Variants in CCDC47 observed in about 807,000 individuals in gnomAD.
The protein encoded by CCDC47 is coiled-coil domain containing 47.
CCDC47 carries 41 observed loss-of-function variants against 60.5 expected under a neutral mutation model. That is an observed-to-expected ratio of 0.68 (90% CI 0.53 to 0.88). The LOEUF is 0.88. Among genes scored for constraint, CCDC47 ranks in the 40% least tolerant of loss-of-function variants. The probability of loss-of-function intolerance (pLI) is 0.00; values close to 1 mark genes in which losing one functional copy is unlikely to be tolerated. For missense variants in CCDC47, 513 were observed against 580.9 expected, an observed-to-expected ratio of 0.88 and a Z score of 1.20; for synonymous variants, 195 against 190.7, an observed-to-expected ratio of 1.02 and a Z score of -0.18.
chr17:63,747,657 C>T lies in CCDC47; in HGVS notation c.1372-696G>A, dbSNP rs570121227. ...ACACCTGATTAAAAGTTTATTTCAG[C>T]TACAATCTCAAACTTCTTATTTTTA... On this transcript the variant is annotated intron_variant, in intron 12 of 12. Coordinates refer to ENST00000225726, the MANE Select transcript of CCDC47 (RefSeq NM_020198.3). 1.0e-5 allele frequency: 10 copies of T among 985,366 alleles called. No homozygotes were observed. In the East Asian group the frequency reaches 1.1e-3, roughly 112 times the overall value. 61.0% of individuals were successfully genotyped at this position (985,366 alleles called of 1,614,324 possible). A position where few individuals can be genotyped will look rare whatever the true frequency, so the allele number is the denominator to read the frequency against.
At chr17:63,771,018 AAGG>A (rs1568253146) in intron 1 of CCDC47, among the ~76,000 whole-genome samples, 195 of 61,092 alleles carry the variant, frequency 3.2e-3, no homozygotes, top group Non-Finnish European at 6.5e-3. Flanking sequence ...GAAAGAAAGG[AAGG>A]AAGGAAGGAA....
In CCDC47 at chr17:63,764,772, T is replaced by C. The variant is rs1245465616; in HGVS notation, c.340A>G (p.Ser114Gly). 1.9e-6 allele frequency: 3 copies of C among 1,613,362 alleles called. No individual in the cohort carries two copies. The highest frequency in any genetic ancestry group is 1.7e-6 in the Non-Finnish European group (2 of 1,179,940). The change falls in exon 3 of 13, where the codon AGC becomes GGC. Residue 114 changes from serine to glycine, a missense_variant. Coordinates refer to ENST00000225726, the MANE Select transcript of CCDC47 (RefSeq NM_020198.3). ...GYEDKPDTSS[S>G]KNKDPITIVD... ...ATCGTTATTGGGTCTTTATTTTTGC[T>C]AGAAGAAGTATCTGGTTTGTCTTCA...
At chr17:63,763,809 T>G (rs1598310465) in intron 4 of CCDC47, among the ~76,000 whole-genome samples, 2 of 150,300 alleles carry the variant, frequency 1.3e-5, no homozygotes, top group East Asian at 3.9e-4. Context: ...GGTGACAGAG[T>G]GAGACTCCAT....
rs183339791 is a variant in CCDC47 at position 63,759,578 on chromosome 17, A to T, written c.735+1336T>A. Among the ~76,000 whole-genome samples the T allele has an allele frequency of 3.7e-3, 383 of 104,872 alleles. 4 individuals carry two copies. Among genetic ancestry groups the T allele is most frequent in the Non-Finnish European group, 5.4e-3 (270 of 50,116 alleles). The allele number at this position is 104,872 out of a possible 152,430, so 68.8% of individuals were successfully genotyped here. On this transcript the variant is annotated intron_variant, in intron 6 of 12. Coordinates refer to ENST00000225726, the MANE Select transcript of CCDC47 (RefSeq NM_020198.3). The stretch of plus-strand genomic sequence containing the variant: ...ATATATATATATATATATATATATA[A>T]AACAATGATTTTCAATCCAATAACA...
At chr17:63,754,590 A>T (rs2039191260) in intron 8 of CCDC47, 72 bp from the exon 9 acceptor site, 2 of 979,984 alleles carry the variant, frequency 2.0e-6, no homozygotes, top group East Asian at 5.4e-5. Context: ...AAAGATATTC[A>T]CTCTTTGAGA....
intron 9 of CCDC47, chr17:63,753,746 T>G (rs755354278): frequency 2.8e-5 from 9 of 324,784 alleles, no homozygotes; most frequent in Non-Finnish European, 4.0e-5. Flanking sequence ...GGCCATAAAT[T>G]ACAAAACACA....
rs541444551 is a variant in CCDC47 at position 63,745,546 on chromosome 17, G to A, written c.*1335C>T. On this transcript the variant is annotated 3_prime_UTR_variant, in exon 13 of 13. Transcript: ENST00000225726. Reference sequence around the variant, plus strand: ...TGCATCTCTCAGTTTACATATTTCTGTATTAACTTGGAGAAAAACCCATGT... The same window carrying A: ...TGCATCTCTCAGTTTACATATTTCTATATTAACTTGGAGAAAAACCCATGT... 6.6e-6 allele frequency: 1 copy of A among 152,242 alleles called. No individual in the cohort carries two copies. Among genetic ancestry groups the A allele is most frequent in the South Asian group, 2.1e-4 (1 of 4,826 alleles). The allele number at this position is 152,242 out of a possible 1,614,324, so 9.4% of individuals were successfully genotyped here.
intron 12 of CCDC47, among the ~76,000 whole-genome samples, chr17:63,750,938 G>C (rs1390496526): frequency 6.6e-6 from 1 of 150,806 alleles, no homozygotes; most frequent in African/African-American, 2.4e-5. Context: ...GCAGTGGTGT[G>C]ATCATAGCTC....
Position 63,746,884 on chromosome 17 carries a change from C to T in CCDC47, c.1449G>A (p.Met483Ile), listed in dbSNP as rs1269015364. The T allele has an allele frequency of 6.2e-7, 1 of 1,613,070 alleles. No individual in the cohort carries two copies. The highest frequency in any genetic ancestry group is 1.1e-5 in the South Asian group (1 of 90,980). Reference sequence around the variant, plus strand: ...AACTCAAATCTCTGGGATGGCTTTACATGGCTTTCACTTTGATTTGTTTCA... The same window carrying T: ...AACTCAAATCTCTGGGATGGCTTTATATGGCTTTCACTTTGATTTGTTTCA... ...MKMKQIKVKA[M>I] The change falls in exon 13 of 13, where the codon ATG becomes ATA. Residue 483 changes from methionine to isoleucine, a missense_variant. Transcript: ENST00000225726.
At chr17:63,750,915 C>T (rs1158180515) in intron 12 of CCDC47, among the ~76,000 whole-genome samples, 1 of 150,384 alleles carries the variant, frequency 6.6e-6, no homozygotes, top group Non-Finnish European at 1.5e-5. Context: ...TTTTTGGCTG[C>T]CCAGGCTAGA....
intron 6 of CCDC47, 75 bp downstream of exon 6, chr17:63,760,836 CAAA>C (rs374704881): frequency 0.021 from 16,375 of 771,008 alleles, no homozygotes; most frequent in South Asian, 0.031. Context: ...GAGACTCCAT[CAAA>C]AAAAAAAAAA....
chr17:63,760,909 C>T lies in CCDC47; in HGVS notation c.735+5G>A. 6.3e-7 allele frequency: 1 copy of T among 1,592,452 alleles called. No homozygotes were observed. The highest frequency in any genetic ancestry group is 8.6e-7 in the Non-Finnish European group (1 of 1,161,636). On this transcript the variant is annotated splice_donor_5th_base_variant and intron_variant, in intron 6 of 12. Transcript: ENST00000225726. ...ACACAGAAAACCAGCGGGAAGAATA[C>T]ATACCACTTGATCACTCACTGGCCT...
chr17:63,770,641 A>G (rs558270483), intron 1 of CCDC47, among the ~76,000 whole-genome samples: 4 of 152,280 alleles, frequency 2.6e-5, no homozygotes, highest in East Asian at 1.9e-4. Context: ...TCAGTTTAAT[A>G]TCGAAGGTTA....
chr17:63,752,081 A>G lies in CCDC47; in HGVS notation c.1230T>C (p.Arg410=). ...REGKQKADKN[R]ARVEENFLKL... is the part of the protein sequence containing the mutation. The stretch of plus-strand genomic sequence containing the variant: ...TCAAGAAGTTCTCTTCTACTCGGGC[A>G]CGGTTCTTATCTGCTTTTTGTTTGC... The change falls in exon 12 of 13, where the codon CGT becomes CGC. Residue 410 remains arginine (R), a synonymous_variant. Coordinates refer to ENST00000225726, the MANE Select transcript of CCDC47 (RefSeq NM_020198.3). 2 of 1,613,688 alleles carry G rather than the reference A, an allele frequency of 1.2e-6. No individual in the cohort carries two copies. The highest frequency in any genetic ancestry group is 2.2e-5 in the South Asian group (2 of 91,078).
chr17:63,759,317 C>T (rs981233697), intron 6 of CCDC47, among the ~76,000 whole-genome samples: 9 of 149,058 alleles, frequency 6.0e-5, no homozygotes, highest in Non-Finnish European at 7.4e-5. Context: ...GGTGAAACCC[C>T]GTCTCTACTA....
At chr17:63,771,045 G>GAAGAAAGAAAGAAAGAAAGAAAGA (rs58944348) in intron 1 of CCDC47, among the ~76,000 whole-genome samples, 24 of 97,832 alleles carry the variant, frequency 2.5e-4, no homozygotes, top group African/African-American at 9.9e-4. Context: ...AGGAAGGAAG[G>GAAGAAAGAAAGAAAGAAAGAAAGA]AAGAAAGAAA....
intron 2 of CCDC47, 150 bp downstream of exon 2, chr17:63,765,762 T>C: frequency 3.6e-6 from 5 of 1,401,814 alleles, no homozygotes; most frequent in Admixed American, 2.7e-5. Context: ...AGGTGGAAAC[T>C]TACCACAGAA....
chr17:63,759,490 CAA>C (rs1161033742), intron 6 of CCDC47, among the ~76,000 whole-genome samples: 4 of 5,372 alleles, frequency 7.4e-4, no homozygotes, highest in African/African-American at 2.6e-3. Context: ...TTCTGTCTCC[CAA>C]AAAAAAAAAA....
chr17:63,771,144 G>C lies in CCDC47; in HGVS notation c.-20+2268C>G, dbSNP rs1045798070. 2.6e-5 allele frequency among the ~76,000 whole-genome samples: 4 copies of C among 151,900 alleles called. No individual in the cohort carries two copies. In the East Asian group the frequency reaches 7.7e-4, roughly 29 times the overall value. ...GAAATGCCATAAAGGATAGGCCAAC[G>C]GTACAGTAGGCCCTACCCATGGGTT... On this transcript the variant is annotated intron_variant, in intron 1 of 12. Transcript: ENST00000225726.
Sources: allele counts gnomAD v4.1 joint callset (sites outside exome capture counted in the v4.1 genomes callset), GRCh38; gene constraint gnomAD v4.1.1; transcripts MANE v1.5; gene names NCBI Gene and HGNC (gene_info 2026-07-23, HGNC 2026-07-21).